The following GSN variants were observed in gnomAD, a reference collection of about 807,000 sequenced individuals.
GSN encodes actin-depolymerizing factor.
GSN carries 56 observed loss-of-function variants against 85.7 expected under a neutral mutation model. The observed-to-expected ratio is 0.65, with a 90% CI of 0.53 to 0.82. The LOEUF is 0.82. Ranked by LOEUF, GSN falls within the 40% of genes least tolerant of loss-of-function variation. GSN has a pLI of 0.00. For synonymous variants in GSN, 373 were observed against 399.1 expected (o/e 0.93, Z 0.78); for missense variants, 857 against 979.8 (o/e 0.87, Z 1.67).
intron 1 of GSN, among the ~76,000 whole-genome samples, chr9:121,275,615 T>A (rs57190652): frequency 2.3e-3 from 343 of 151,418 alleles, no homozygotes; most frequent in African/African-American, 8.0e-3. Flanking sequence ...CCCTCCCACC[T>A]CCCCTCCCAC....
chr9:121,313,914 C>T lies in GSN; in HGVS notation c.664-20C>T. On this transcript the variant is annotated intron_variant, in intron 6 of 17. Transcript: ENST00000432226. ...CTCCCTCACAGCCACCCTTCCTCTC[C>T]ATCTCTCTATCTCCTACAGGTGCTG... 6.3e-7 allele frequency: 1 copy of T among 1,591,312 alleles called. No individual in the cohort carries two copies. The highest frequency in any genetic ancestry group is 8.6e-7 in the Non-Finnish European group (1 of 1,159,088).
chr9:121,317,338 A>G (rs1032567145), intron 8 of GSN, 120 bp downstream of exon 8: 42 of 1,145,312 alleles, frequency 3.7e-5, no homozygotes, highest in Non-Finnish European at 5.1e-5. Flanking sequence ...TGGAAATCAG[A>G]AGTCTTGGGC....
At chr9:121,305,331 T>G (rs1168258685) in intron 4 of GSN, among the ~76,000 whole-genome samples, 1 of 152,226 alleles carries the variant, frequency 6.6e-6, no homozygotes, top group Non-Finnish European at 1.5e-5. Flanking sequence ...ACACAGCTAG[T>G]AAAAGGTGCT....
At chr9:121,312,639 T>C in intron 6 of GSN, 151 bp downstream of exon 6, 1 of 671,196 alleles carries the variant, frequency 1.5e-6, no homozygotes, top group South Asian at 2.3e-5. Context: ...TTTATTTTAA[T>C]TTTTGAGACA....
chr9:121,305,073 T>A (rs1373635714), intron 4 of GSN, among the ~76,000 whole-genome samples: 1 of 152,204 alleles, frequency 6.6e-6, no homozygotes, highest in African/African-American at 2.4e-5. Context: ...TCTAACATGG[T>A]TACAAATATG....
At chr9:121,215,226 C>A (rs959954198) in intron 4 of GSN, among the ~76,000 whole-genome samples, 8 of 131,094 alleles carry the variant, frequency 6.1e-5, no homozygotes, top group Admixed American at 1.5e-4. Flanking sequence ...CCCCCCCCCC[C>A]ACACTCATAT....
chr9:121,305,478 A>T (rs2060305182), intron 4 of GSN, among the ~76,000 whole-genome samples: 1 of 152,210 alleles, frequency 6.6e-6, no homozygotes, highest in Admixed American at 6.5e-5. Context: ...AGGCACAGAG[A>T]TGTTAAGCAA....
At chr9:121,310,305 C>T in intron 4 of GSN, 1 of 336,880 alleles carries the variant, frequency 3.0e-6, no homozygotes, top group Non-Finnish European at 5.8e-6. Flanking sequence ...GACTAGTGTG[C>T]CTTTGGGAAA....
At chr9:121,219,181 G>A (rs73660419) in intron 4 of GSN, among the ~76,000 whole-genome samples, 344 of 152,118 alleles carry the variant, frequency 2.3e-3, no homozygotes, top group African/African-American at 7.9e-3. Context: ...CTGCTGCTGC[G>A]CTTGCTGCTT....
intron 6 of GSN, among the ~76,000 whole-genome samples, chr9:121,253,132 C>T (rs1169972716): frequency 6.6e-6 from 1 of 152,178 alleles, no homozygotes; most frequent in Non-Finnish European, 1.5e-5. Context: ...TAATCCCATT[C>T]ATGAGGGCTC....
At chr9:121,236,418 C>T (rs553810128) in intron 5 of GSN, among the ~76,000 whole-genome samples, 62 of 152,126 alleles carry the variant, frequency 4.1e-4, no homozygotes, top group Non-Finnish European at 7.6e-4. Context: ...CAGGGTTTCA[C>T]CACGTTGGCT....
At chr9:121,297,718 G>T (rs2059351489) in intron 2 of GSN, 1 of 152,174 alleles carries the variant, frequency 6.6e-6, no homozygotes, top group Non-Finnish European at 1.5e-5. Context: ...TTTTTTCACA[G>T]CTGCATAGTG....
chr9:121,243,181 C>T (rs916470777), intron 5 of GSN, among the ~76,000 whole-genome samples: 10 of 152,186 alleles, frequency 6.6e-5, no homozygotes, highest in Admixed American at 2.0e-4. Context: ...TCTAGAGTTT[C>T]GTTCCTTGCA....
chr9:121,323,389 T>TTTTTA (rs1554822114), intron 11 of GSN, among the ~76,000 whole-genome samples: 4 of 149,864 alleles, frequency 2.7e-5, no homozygotes, highest in Non-Finnish European at 3.0e-5. Context: ...TTTTTTTTTT[T>TTTTTA]AGACAGAGTC....
intron 4 of GSN, chr9:121,223,145 G>A (rs1216361896): frequency 6.6e-6 from 1 of 152,126 alleles, no homozygotes; most frequent in African/African-American, 2.4e-5. Context: ...GCATGCTTGA[G>A]CCCACTTGCC....
intron 10 of GSN, 119 bp from the exon 11 acceptor site, chr9:121,321,149 A>G: frequency 1.9e-6 from 2 of 1,072,970 alleles, no homozygotes; most frequent in South Asian, 1.3e-5. Context: ...TCCGAGCCCA[A>G]GTGATTAAAA....
Position 121,332,499 on chromosome 9 carries a change from C to G in GSN, c.2092C>G (p.Gln698Glu). Reference protein sequence around the residue: ...DRRTPITVVKQGFEPPSFVGW... With the variant: ...DRRTPITVVKEGFEPPSFVGW... ...GCGGACGCCCATCACCGTGGTGAAG[C>G]AAGGCTTTGAGCCTCCCTCCTTTGT... Residue 698 changes from glutamine (Q) to glutamate (E), a missense_variant, in exon 18 of 18, where the codon CAA (glutamine) becomes GAA (glutamate). Transcript: ENST00000432226. The surrounding 1 kb of genome is among the most constrained non-coding windows in gnomAD (Gnocchi z 4.8). 5 of 1,613,996 alleles carry G rather than the reference C, an allele frequency of 3.1e-6. No individual in the cohort carries two copies. Among genetic ancestry groups the G allele is most frequent in the Non-Finnish European group, 4.2e-6 (5 of 1,179,856 alleles).
At chr9:121,302,451 C>T (rs2059987468) in intron 3 of GSN, among the ~76,000 whole-genome samples, 4 of 152,142 alleles carry the variant, frequency 2.6e-5, no homozygotes. Context: ...GAGCGTTAAA[C>T]ACCTTACTGT....
chr9:121,257,443 G>A (rs56182316), intron 6 of GSN, among the ~76,000 whole-genome samples: 346 of 152,310 alleles, frequency 2.3e-3, no homozygotes, highest in African/African-American at 8.0e-3. Context: ...AATTTTCAGA[G>A]CCAGGCTTCC....
Sources: allele counts gnomAD v4.1 joint callset (sites outside exome capture counted in the v4.1 genomes callset), GRCh38; gene constraint gnomAD v4.1.1; non-coding constraint Gnocchi (gnomAD v3.1); transcripts MANE v1.5; gene names NCBI Gene and HGNC (gene_info 2026-07-23, HGNC 2026-07-21).